PALS2: variants seen among roughly 807,000 people sequenced by gnomAD.
PALS2 encodes the protein protein associated with LIN7 2, MAGUK p55 family member.
Under a neutral mutation model 61.6 loss-of-function variants are expected in PALS2, and 27 were observed. That is an observed-to-expected ratio of 0.44 (90% CI 0.32 to 0.60). The LOEUF (loss-of-function observed/expected upper bound fraction) is 0.60. PALS2 is among the 20% of genes least tolerant of loss of function. PALS2 has a pLI of 0.05. For missense variants in PALS2, 554 were observed against 639.4 expected, an observed-to-expected ratio of 0.87 and a Z score of 1.44; for synonymous variants, 236 against 218.6, an observed-to-expected ratio of 1.08 and a Z score of -0.70.
Position 24,666,093 on chromosome 7 carries a change from G to C in PALS2, c.952+4G>C. 6.2e-7 allele frequency: 1 copy of C among 1,606,944 alleles called. No homozygotes were observed. Among genetic ancestry groups the C allele is most frequent in the South Asian group, 1.1e-5 (1 of 90,656 alleles). On this transcript the variant is annotated splice_donor_region_variant and intron_variant, in intron 8 of 11. Transcript: ENST00000222644. ...TATCTCACAACCAGAAATGCAGGTA[G>C]GTTTTAAATACTTTTTGAGAAGTCC...
chr7:24,669,542 C>A (rs1221720401), intron 9 of PALS2, among the ~76,000 whole-genome samples: 1 of 152,190 alleles, frequency 6.6e-6, no homozygotes, highest in Admixed American at 6.5e-5. Context: ...CTATTTCTGA[C>A]CAAGCCCCCT....
At chr7:24,647,662 A>C (rs1009050392) in intron 3 of PALS2, among the ~76,000 whole-genome samples, 3 of 152,168 alleles carry the variant, frequency 2.0e-5, no homozygotes, top group African/African-American at 7.2e-5. Context: ...GTGCATTTCT[A>C]CTGAAGAGGC....
At chr7:24,675,676 A>G (rs1198676833) in intron 9 of PALS2, among the ~76,000 whole-genome samples, 36 of 141,608 alleles carry the variant, frequency 2.5e-4, no homozygotes, top group African/African-American at 9.7e-4. Context: ...TTTACTGAGA[A>G]TGATGATTTC....
intron 1 of PALS2, among the ~76,000 whole-genome samples, chr7:24,591,179 T>G (rs1783272074): frequency 6.6e-6 from 1 of 152,102 alleles, no homozygotes; most frequent in African/African-American, 2.4e-5. Context: ...TGTCTAATAG[T>G]TTTGAGGTAT....
chr7:24,624,605 C>CTTCTTTTTTTTTTTTTTTTTT (rs1554302487), intron 2 of PALS2, among the ~76,000 whole-genome samples: 1 of 86,356 alleles, frequency 1.2e-5, no homozygotes, highest in Admixed American at 1.2e-4. Flanking sequence ...GCAGATTCTT[C>CTTCTTTTTTTTTTTTTTTTTT]TTTTTTTTTT....
intron 5 of PALS2, among the ~76,000 whole-genome samples, chr7:24,655,749 C>G (rs369495756): frequency 6.6e-6 from 1 of 150,946 alleles, no homozygotes; most frequent in Non-Finnish European, 1.5e-5. Flanking sequence ...CAGCCTCCAC[C>G]GCCCGGGTTC....
chr7:24,646,718 T>C (rs1165591802), intron 3 of PALS2, among the ~76,000 whole-genome samples: 1 of 152,208 alleles, frequency 6.6e-6, no homozygotes, highest in African/African-American at 2.4e-5. Context: ...AGCTTTTCTG[T>C]AGGAATGGTA....
intron 2 of PALS2, among the ~76,000 whole-genome samples, chr7:24,633,127 A>G (rs1017716145): frequency 3.3e-5 from 5 of 152,140 alleles, no homozygotes; most frequent in African/African-American, 4.8e-5. Flanking sequence ...AATAAGAAAA[A>G]TAAAAGATTT....
chr7:24,633,250 G>A (rs956826033), intron 2 of PALS2, among the ~76,000 whole-genome samples: 1 of 148,868 alleles, frequency 6.7e-6, no homozygotes, highest in African/African-American at 2.5e-5. Flanking sequence ...CAAGACAGGT[G>A]TAGTAGTAAC....
intron 3 of PALS2, among the ~76,000 whole-genome samples, chr7:24,642,692 G>C (rs1481499144): frequency 6.6e-6 from 1 of 152,124 alleles, no homozygotes; most frequent in Admixed American, 6.6e-5. Flanking sequence ...GATTTTATGT[G>C]ACTCTTCAAC....
At chr7:24,667,718 G>T (rs1006617876) in intron 8 of PALS2, among the ~76,000 whole-genome samples, 4 of 138,316 alleles carry the variant, frequency 2.9e-5, no homozygotes, top group African/African-American at 1.1e-4. Context: ...AGGCTGGAGT[G>T]CAGTGGCGCA....
chr7:24,661,549 C>T (rs906748088), intron 5 of PALS2, among the ~76,000 whole-genome samples: 1 of 152,090 alleles, frequency 6.6e-6, no homozygotes, highest in Non-Finnish European at 1.5e-5. Context: ...TGACAGGATT[C>T]TCTTGCTATT....
intron 11 of PALS2, among the ~76,000 whole-genome samples, chr7:24,680,744 C>T (rs966525202): frequency 6.6e-6 from 1 of 152,090 alleles, no homozygotes; most frequent in African/African-American, 2.4e-5. Context: ...TACAGGCATG[C>T]GCTACCAGGC....
At chr7:24,630,404 A>C (rs958277283) in intron 2 of PALS2, among the ~76,000 whole-genome samples, 11 of 152,160 alleles carry the variant, frequency 7.2e-5, no homozygotes, top group Non-Finnish European at 1.0e-4. Context: ...TGATGGGTGC[A>C]GCAAACCACC....
intron 5 of PALS2, among the ~76,000 whole-genome samples, chr7:24,660,265 T>G (rs942843463): frequency 9.7e-6 from 1 of 103,246 alleles, no homozygotes; most frequent in East Asian, 6.0e-4. Flanking sequence ...AATCAAAAAA[T>G]GTAATATGTA....
chr7:24,658,151 A>G (rs889142933), intron 5 of PALS2, among the ~76,000 whole-genome samples: 3 of 151,666 alleles, frequency 2.0e-5, no homozygotes, highest in Non-Finnish European at 4.4e-5. Context: ...GATGTTTTCT[A>G]TTGTTTTGTT....
At chr7:24,682,753 C>T (rs1787999481) in intron 11 of PALS2, among the ~76,000 whole-genome samples, 1 of 152,094 alleles carries the variant, frequency 6.6e-6, no homozygotes, top group Admixed American at 6.5e-5. Context: ...GCCACCCTCC[C>T]TTCCCTCTCT....
Position 24,691,405 on chromosome 7 carries a change from G to GTGTGTATATATATA in PALS2, c.*3792_*3793insGTGTATATATATAT, listed in dbSNP as rs1274329385. 3.5e-4 allele frequency: 39 copies of GTGTGTATATATATA among 110,582 alleles called. No homozygotes were observed. Among genetic ancestry groups the GTGTGTATATATATA allele is most frequent in the Non-Finnish European group, 5.0e-4 (26 of 52,284 alleles). The allele number at this position is 110,582 out of a possible 1,614,324, so 6.9% of individuals were successfully genotyped here. A position where few individuals can be genotyped will look rare whatever the true frequency, so the allele number is the denominator to read the frequency against. ...ATATTATGTATGTGTGTGTGTGTGT[G>GTGTGTATATATATA]TATATATATATATATATATATATAT... is the stretch of plus-strand genomic sequence containing the variant. On this transcript the variant is annotated 3_prime_UTR_variant, in exon 12 of 12. Coordinates refer to ENST00000222644, the MANE Select transcript of PALS2 (RefSeq NM_001303037.2).
chr7:24,588,997 G>T (rs1230125042), intron 1 of PALS2: 1 of 152,082 alleles, frequency 6.6e-6, no homozygotes, highest in East Asian at 1.9e-4. Flanking sequence ...CAACTACACT[G>T]TACAATAAAA....
Sources: allele counts gnomAD v4.1 joint callset (sites outside exome capture counted in the v4.1 genomes callset), GRCh38; gene constraint gnomAD v4.1.1; transcripts MANE v1.5; gene names NCBI Gene and HGNC (gene_info 2026-07-23, HGNC 2026-07-21).